GBP5: variants seen among roughly 807,000 people sequenced by gnomAD.
GBP5 encodes guanylate-binding protein 5.
GBP5 carries 48 observed loss-of-function variants against 58.2 expected under a neutral mutation model. That is an observed-to-expected ratio of 0.83 (90% CI 0.65 to 1.05). GBP5 has a LOEUF of 1.05. Ranked by LOEUF, GBP5 falls within the 50% of genes least tolerant of loss-of-function variation. The pLI is 0.00. For synonymous variants in GBP5, 248 were observed against 251.8 expected (o/e 0.98, Z 0.14); for missense variants, 714 against 686.8 (o/e 1.04, Z -0.44).
In GBP5 at chr1:89,266,502, A is replaced by G; in HGVS notation, c.712T>C (p.Leu238=). The G allele has an allele frequency of 6.2e-7, 1 of 1,614,136 alleles. No individual in the cohort carries two copies. The highest frequency in any genetic ancestry group is 8.5e-7 in the Non-Finnish European group (1 of 1,179,994). Reference sequence around the variant, plus strand: ...GCAAGCTTTTTTTGGTGAGCAGGTAAGTCAAAGATAAAGCATTTCTTTTTT... The same window carrying G: ...GCAAGCTTTTTTTGGTGAGCAGGTAGGTCAAAGATAAAGCATTTCTTTTTT... ...FPKKKCFIFD[L]PAHQKKLAQL... is the part of the protein sequence containing the mutation. Residue 238 remains leucine, a synonymous_variant, in exon 7 of 12, where the codon TTA becomes CTA. Transcript: ENST00000370459.
At chr1:89,271,289 A>G (rs1557506407) in intron 1 of GBP5, 1 of 152,186 alleles carries the variant, frequency 6.6e-6, no homozygotes, top group Non-Finnish European at 1.5e-5. Flanking sequence ...ATTAGACTTG[A>G]TTTCCAACCC....
In GBP5 at chr1:89,269,355, G is replaced by A. The variant is rs755804822; in HGVS notation, c.190+11C>T. 1.1e-5 allele frequency: 17 copies of A among 1,613,104 alleles called. No individual in the cohort carries two copies. The highest frequency in any genetic ancestry group is 1.4e-5 in the Non-Finnish European group (16 of 1,179,366). On this transcript the variant is annotated intron_variant, in intron 3 of 11. Coordinates refer to ENST00000370459, the MANE Select transcript of GBP5 (RefSeq NM_052942.5). ...AGAAGGGTTTGGCAGAGCTTTGCTG[G>A]TACCACTCACCCTTGTTCTTCCCAG...
intron 2 of GBP5, chr1:89,270,441 T>A (rs888670292): frequency 1.3e-5 from 2 of 152,230 alleles, no homozygotes; most frequent in Non-Finnish European, 2.9e-5. Context: ...AATCTTACAA[T>A]GAAAAGGTTT....
intron 4 of GBP5, 71 bp from the exon 5 acceptor site, chr1:89,267,597 T>C: frequency 3.5e-6 from 3 of 856,316 alleles, no homozygotes; most frequent in Admixed American, 1.8e-5. Flanking sequence ...AAATAGGCTC[T>C]TGTCATAAAT....
At chr1:89,271,637 G>C (rs1250911975) in intron 1 of GBP5, 2 of 152,110 alleles carry the variant, frequency 1.3e-5, no homozygotes, top group African/African-American at 4.8e-5. Context: ...ATAGTTTCTG[G>C]TTTGAATTTC....
intron 1 of GBP5, 173 bp from the exon 2 acceptor site, chr1:89,271,035 C>G (rs1383376748): frequency 6.6e-6 from 1 of 152,166 alleles, no homozygotes; most frequent in East Asian, 1.9e-4. Flanking sequence ...TAGTATTTGA[C>G]ATGTTGTCCC....
Position 89,268,793 on chromosome 1 carries a change from T to G in GBP5, c.254A>C (p.His85Pro). ...TKGIWIWCVP[H>P]PNWPNHTLVL... is the part of the protein sequence containing the mutation. ...TAATGTGTGATTTGGCCAGTTGGGATGAGGCACACACCATATCCAAATTCC... is the reference window on the plus strand; with the variant it reads ...TAATGTGTGATTTGGCCAGTTGGGAGGAGGCACACACCATATCCAAATTCC... The change falls in exon 4 of 12, where the codon CAT becomes CCT. Residue 85 changes from histidine (H) to proline (P), a missense_variant. By Grantham distance (77) the His-to-Pro change is moderately conservative. Coordinates refer to ENST00000370459, the MANE Select transcript of GBP5 (RefSeq NM_052942.5). 6.2e-7 allele frequency: 1 copy of G among 1,613,990 alleles called. No homozygotes were observed. Among genetic ancestry groups the G allele is most frequent in the Non-Finnish European group, 8.5e-7 (1 of 1,179,926 alleles).
chr1:89,262,553 A>T, intron 10 of GBP5, 130 bp downstream of exon 10: 1 of 907,600 alleles, frequency 1.1e-6, no homozygotes, highest in Admixed American at 2.3e-5. Flanking sequence ...TGCCAGTCAG[A>T]TATGCTTGAG....
At position 89,266,600 on chromosome 1, in the gene GBP5, AAAAT is replaced by A. The variant is rs1229962557; in HGVS notation, c.626-16_626-13del. The A allele has an allele frequency of 8.7e-6, 14 of 1,601,850 alleles. No individual in the cohort carries two copies. The East Asian group carries it at 3.1e-4, about 36-fold the overall frequency. ...TCTTTGATCACTACCTGGAGAATAA[AAAAT>A]AGGATTTATTTAGCATAGACTTTGC... On this transcript the variant is annotated splice_polypyrimidine_tract_variant and intron_variant, in intron 6 of 11. Transcript: ENST00000370459.
intron 10 of GBP5, 40 bp from the exon 11 acceptor site, chr1:89,262,441 C>T (rs111431699): frequency 2.7e-5 from 42 of 1,542,470 alleles, no homozygotes; most frequent in African/African-American, 2.3e-4. Context: ...ATTAATGTGC[C>T]TCTTCCTTCT....
Position 89,263,885 on chromosome 1 carries a change from A to C in GBP5, c.1213T>G (p.Cys405Gly). ...KRNLEASSDYCSALLKDIFGP... is the reference protein window; with the variant it reads ...KRNLEASSDYGSALLKDIFGP... ...AAAATATCCTTAAGTAAAGCCGAGC[A>C]ATAATCCGAGGATGCTTCCAGGTTC... is the stretch of plus-strand genomic sequence containing the variant. Residue 405 changes from cysteine to glycine, a missense_variant, in exon 9 of 12, where the codon TGC becomes GGC. Coordinates refer to ENST00000370459, the MANE Select transcript of GBP5 (RefSeq NM_052942.5). 6.2e-7 allele frequency: 1 copy of C among 1,612,130 alleles called. No individual in the cohort carries two copies. The highest frequency in any genetic ancestry group is 8.5e-7 in the Non-Finnish European group (1 of 1,179,332).
At position 89,266,482 on chromosome 1, in the gene GBP5, C is replaced by CT. The variant is rs34148688; in HGVS notation, c.731dup (p.Leu245AlafsTer5). 16 of 1,614,014 alleles carry CT rather than the reference C, an allele frequency of 9.9e-6. No homozygotes were observed. Among genetic ancestry groups the CT allele is most frequent in the Middle Eastern group, 1.7e-4 (1 of 6,060 alleles). On this transcript the variant is annotated frameshift_variant, in exon 7 of 12. Coordinates refer to ENST00000370459, the MANE Select transcript of GBP5 (RefSeq NM_052942.5). LOFTEE classifies it high-confidence loss of function. The stretch of plus-strand genomic sequence containing the variant: ...CAGGCAGTGTTTCAAGTTGGGCAAG[C>CT]TTTTTTTGGTGAGCAGGTAAGTCAA...
rs776475520 is a variant in GBP5 at position 89,268,753 on chromosome 1, G to A, written c.294C>T (p.Thr98=). 9 of 1,613,778 alleles carry A rather than the reference G, an allele frequency of 5.6e-6. No homozygotes were observed. Among genetic ancestry groups the A allele is most frequent in the Admixed American group, 5.0e-5 (3 of 59,988 alleles). The change falls in exon 4 of 12, where the codon ACC becomes ACT. Residue 98 remains threonine (T), a synonymous_variant. Coordinates refer to ENST00000370459, the MANE Select transcript of GBP5 (RefSeq NM_052942.5). ...WPNHTLVLLD[T]EGLGDVEKAD... is the part of the protein sequence containing the mutation. ...CCTTCTCTACATCTCCCAGGCCCTC[G>A]GTGTCAAGCAGAACTAATGTGTGAT...
In GBP5 at chr1:89,262,373, CT is replaced by C; in HGVS notation, c.1493del (p.Lys498ArgfsTer17). The stretch of plus-strand genomic sequence containing the variant: ...TCGCCGCCAACCTTTGCGCTTCAGC[CT>C]TTTCAGCTTCTGCTTTCACTTGTGC... ...KEAQVKAEAE[K>X]AEAQRLAAIQ... On this transcript the variant is annotated frameshift_variant, in exon 11 of 12. Coordinates refer to ENST00000370459, the MANE Select transcript of GBP5 (RefSeq NM_052942.5). LOFTEE classifies it high-confidence loss of function. The C allele has an allele frequency of 6.2e-7, 1 of 1,613,996 alleles. No homozygotes were observed. Among genetic ancestry groups the C allele is most frequent in the Non-Finnish European group, 8.5e-7 (1 of 1,179,988 alleles).
chr1:89,260,855 T>G (rs1649983500), intron 11 of GBP5, 38 bp from the exon 12 acceptor site: 1 of 1,448,100 alleles, frequency 6.9e-7, no homozygotes, highest in African/African-American at 1.4e-5. Context: ...TCAAGCTTCT[T>G]ACTGATTGCC....
In GBP5 at chr1:89,264,756, CT is replaced by C. The variant is rs1557502155; in HGVS notation, c.1078del (p.Arg360GlyfsTer8). The C allele has an allele frequency of 6.2e-7, 1 of 1,614,204 alleles. No individual in the cohort carries two copies. Among genetic ancestry groups the C allele is most frequent in the Non-Finnish European group, 8.5e-7 (1 of 1,180,034 alleles). On this transcript the variant is annotated frameshift_variant, in exon 8 of 12. Transcript: ENST00000370459. LOFTEE classifies it high-confidence loss of function. Reference sequence around the variant, plus strand: ...TTTCATGAAGACTTCAATGGCCTCCCTCTCACTGGTCCTGTGCAGGTCCAGC... The same window carrying C: ...TTTCATGAAGACTTCAATGGCCTCCCCTCACTGGTCCTGTGCAGGTCCAGC... ...ELLDLHRTSEREAIEVFMKNS... is the reference protein window; with the variant it reads ...ELLDLHRTSEXEAIEVFMKNS...
chr1:89,262,310 C>T lies in GBP5; in HGVS notation c.1557G>A (p.Glu519=), dbSNP rs1189426932. The T allele has an allele frequency of 6.2e-7, 1 of 1,614,122 alleles. No homozygotes were observed. Among genetic ancestry groups the T allele is most frequent in the East Asian group, 2.2e-5 (1 of 44,890 alleles). The change falls in exon 11 of 12, where the codon GAG becomes GAA. Residue 519 remains glutamate, a synonymous_variant. Transcript: ENST00000370459. ...RQNEQMMQER[E]RLHQEQVRQM... ...GTCTCACTTGTTCCTGATGGAGTCT[C>T]TCCCTCTCCTGCATCATTTGCTCGT...
rs1423141674 is a variant in GBP5 at position 89,269,576 on chromosome 1, T to G, written c.-19-2A>C. ...GCCATGTCTAGGATGTTACTTTGCC[T>G]GCAAGGGAACAGATGGGATAGGCTG... On this transcript the variant is annotated splice_acceptor_variant, in intron 2 of 11. Transcript: ENST00000370459. LOFTEE classifies it low-confidence loss of function (5UTR_SPLICE). 1 of 1,591,990 alleles carries G rather than the reference T, an allele frequency of 6.3e-7. No individual in the cohort carries two copies. The highest frequency in any genetic ancestry group is 8.6e-7 in the Non-Finnish European group (1 of 1,161,378).
At chr1:89,267,312 T>A in intron 5 of GBP5, 105 bp downstream of exon 5, 1 of 1,002,630 alleles carries the variant, frequency 1.0e-6, no homozygotes, top group Non-Finnish European at 1.5e-6. Context: ...TTTCAATGTT[T>A]ATCACGTTTC....
Sources: allele counts gnomAD v4.1 joint callset, GRCh38; gene constraint gnomAD v4.1.1; transcripts MANE v1.5; gene names NCBI Gene and HGNC (gene_info 2026-07-23, HGNC 2026-07-21).